Variants in PDZD8 observed in about 807,000 individuals in gnomAD.
PDZD8 encodes the protein PDZ domain-containing protein 8.
PDZD8 carries 14 observed loss-of-function variants against 85.8 expected under a neutral mutation model. The ratio of observed to expected loss-of-function variants is 0.16; its 90% confidence interval spans 0.11 to 0.26. PDZD8 has a LOEUF of 0.26. Among genes scored for constraint, PDZD8 ranks in the 10% least tolerant of loss-of-function variants. The pLI, the probability that PDZD8 is intolerant of heterozygous loss-of-function variation, is 1.00. For missense variants in PDZD8, 1,197 were observed against 1,424.3 expected (o/e 0.84, Z 2.57); for synonymous variants, 592 against 568.6 (o/e 1.04, Z -0.59).
At chr10:117,306,544 T>C (rs145901917) in intron 3 of PDZD8, among the ~76,000 whole-genome samples, 2 of 152,282 alleles carry the variant, frequency 1.3e-5, no homozygotes, top group East Asian at 3.9e-4. Flanking sequence ...TAGAAACAGT[T>C]CTTATTCTGA....
At chr10:117,293,386 A>C (rs1844802092) in intron 3 of PDZD8, among the ~76,000 whole-genome samples, 3 of 152,190 alleles carry the variant, frequency 2.0e-5, no homozygotes, top group Admixed American at 1.3e-4. Context: ...TAGAAACCCT[A>C]AATATTTTTC....
chr10:117,362,754 T>C (rs920580719), intron 1 of PDZD8, among the ~76,000 whole-genome samples: 2 of 152,154 alleles, frequency 1.3e-5, no homozygotes, highest in African/African-American at 4.8e-5. Flanking sequence ...TTAGATACAC[T>C]GTATTCACTG....
At chr10:117,298,934 G>A (rs1234887709) in intron 3 of PDZD8, among the ~76,000 whole-genome samples, 5 of 151,670 alleles carry the variant, frequency 3.3e-5, no homozygotes, top group Non-Finnish European at 7.4e-5. Context: ...TACCAAAATC[G>A]GTATATGCTC....
intron 3 of PDZD8, among the ~76,000 whole-genome samples, chr10:117,306,530 T>TA (rs1383453276): frequency 2.6e-5 from 4 of 152,178 alleles, no homozygotes; most frequent in Non-Finnish European, 5.9e-5. Context: ...ATTCCTTTGT[T>TA]AAATAGAAAC....
intron 1 of PDZD8, among the ~76,000 whole-genome samples, chr10:117,350,024 T>A (rs553810960): frequency 6.6e-6 from 1 of 152,288 alleles, no homozygotes; most frequent in Non-Finnish European, 1.5e-5. Context: ...GTAACACCAC[T>A]ATTATTAGTA....
rs1844643596 is a variant in PDZD8 at position 117,285,354 on chromosome 10, T to C, written c.1379A>G (p.Asp460Gly). The change falls in exon 5 of 5, where the codon GAT becomes GGT. Residue 460 changes from aspartate (D) to glycine (G), a missense_variant. This residue lies in a region of PDZD8 where 263 missense variants were observed against 261.9 expected (regional missense o/e 1.00). Coordinates refer to ENST00000334464, the MANE Select transcript of PDZD8 (RefSeq NM_173791.5). ...GQSNQGAVLQ[D>G]NFGQLEENFL... ...GTTTTCTTCCAACTGGCCAAAGTTA[T>C]CTTGCAGCACTGCACCTTGATTACT... is the stretch of plus-strand genomic sequence containing the variant. 1.2e-6 allele frequency: 2 copies of C among 1,614,178 alleles called. No individual in the cohort carries two copies. Among genetic ancestry groups the C allele is most frequent in the African/African-American group, 1.3e-5 (1 of 75,044 alleles).
At chr10:117,307,089 T>C (rs375584820) in intron 3 of PDZD8, among the ~76,000 whole-genome samples, 1 of 152,158 alleles carries the variant, frequency 6.6e-6, no homozygotes, top group South Asian at 2.1e-4. Context: ...AACTACTGCC[T>C]GTTGGCTACT....
intron 2 of PDZD8, among the ~76,000 whole-genome samples, chr10:117,326,319 T>G (rs562229588): frequency 6.6e-6 from 1 of 152,336 alleles, no homozygotes; most frequent in South Asian, 2.1e-4. Flanking sequence ...ATGCCTAATG[T>G]GTGGGCCACA....
At chr10:117,296,052 C>T (rs1317459772) in intron 3 of PDZD8, among the ~76,000 whole-genome samples, 1 of 150,986 alleles carries the variant, frequency 6.6e-6, no homozygotes, top group Non-Finnish European at 1.5e-5. Context: ...TTTGCAGATA[C>T]TATGATCCTA....
chr10:117,302,144 A>G (rs935259749), intron 3 of PDZD8, among the ~76,000 whole-genome samples: 4 of 152,232 alleles, frequency 2.6e-5, no homozygotes, highest in African/African-American at 9.6e-5. Flanking sequence ...CTTCTAAGCC[A>G]GGCAGTTTTA....
intron 2 of PDZD8, among the ~76,000 whole-genome samples, chr10:117,330,020 GGGAGGGAA>G (rs1564701925): frequency 5.1e-4 from 31 of 61,108 alleles, no homozygotes; most frequent in Non-Finnish European, 1.4e-4. Context: ...GAGGGAGGGA[GGGAGGGAA>G]GGAGGGAGGG....
chr10:117,296,997 T>C (rs907384551), intron 3 of PDZD8, among the ~76,000 whole-genome samples: 3 of 152,104 alleles, frequency 2.0e-5, no homozygotes, highest in African/African-American at 7.2e-5. Flanking sequence ...AATGAAATGA[T>C]AAGCCATAGA....
intron 3 of PDZD8, among the ~76,000 whole-genome samples, chr10:117,318,163 TA>T (rs1333643372): frequency 1.3e-5 from 2 of 152,236 alleles, no homozygotes; most frequent in Admixed American, 6.5e-5. Flanking sequence ...AATTATTCAC[TA>T]TCTGAAATTC....
chr10:117,334,610 C>A (rs1844485147), intron 2 of PDZD8, among the ~76,000 whole-genome samples: 1 of 151,204 alleles, frequency 6.6e-6, no homozygotes, highest in African/African-American at 2.4e-5. Context: ...GCTCAAAAAA[C>A]TGACAGAACA....
chr10:117,319,771 C>T (rs1048301344), intron 2 of PDZD8, among the ~76,000 whole-genome samples: 5 of 151,854 alleles, frequency 3.3e-5, no homozygotes, highest in Non-Finnish European at 7.4e-5. Flanking sequence ...CTCATGGGTC[C>T]AACTTCTATA....
At chr10:117,296,421 A>G (rs1030561705) in intron 3 of PDZD8, among the ~76,000 whole-genome samples, 2 of 152,130 alleles carry the variant, frequency 1.3e-5, no homozygotes, top group Admixed American at 6.6e-5. Context: ...TTGAGATGAC[A>G]GTTCTTCCCA....
chr10:117,358,258 G>T (rs188538393), intron 1 of PDZD8, among the ~76,000 whole-genome samples: 1 of 152,106 alleles, frequency 6.6e-6, no homozygotes, highest in Non-Finnish European at 1.5e-5. Flanking sequence ...ATTTATAAGT[G>T]AAATATCACT....
chr10:117,301,261 G>A (rs540598332), intron 3 of PDZD8, among the ~76,000 whole-genome samples: 1 of 152,270 alleles, frequency 6.6e-6, no homozygotes, highest in South Asian at 2.1e-4. Flanking sequence ...TGGGATTACA[G>A]GTATGAGCCA....
At chr10:117,362,225 T>G (rs907279598) in intron 1 of PDZD8, among the ~76,000 whole-genome samples, 10 of 152,208 alleles carry the variant, frequency 6.6e-5, no homozygotes, top group African/African-American at 2.2e-4. Context: ...GTAAAGTTTG[T>G]ATATCCTTAT....
Sources: allele counts gnomAD v4.1 joint callset (sites outside exome capture counted in the v4.1 genomes callset), GRCh38; gene constraint gnomAD v4.1.1; regional missense constraint gnomAD v4.1.1; transcripts MANE v1.5; gene names NCBI Gene and HGNC (gene_info 2026-07-23, HGNC 2026-07-21).